The following R3HDM4 variants were observed in gnomAD, a reference collection of about 807,000 sequenced individuals.
R3HDM4 encodes the protein R3H domain-containing protein 4.
Under a neutral mutation model 31.3 loss-of-function variants are expected in R3HDM4, and 30 were observed. The observed-to-expected ratio is 0.96, with a 90% CI of 0.72 to 1.30. The LOEUF is 1.30. R3HDM4 is among the 50% of genes most tolerant of loss of function. The pLI, the probability that R3HDM4 is intolerant of heterozygous loss-of-function variation, is 0.00. For synonymous variants in R3HDM4, 196 were observed against 156.6 expected, an observed-to-expected ratio of 1.25 and a Z score of -1.88; for missense variants, 444 against 366.1, an observed-to-expected ratio of 1.21 and a Z score of -1.74.
In R3HDM4 at chr19:899,177, C is replaced by T. The variant is rs545052638; in HGVS notation, c.703+263G>A. Among the ~76,000 whole-genome samples, 1 of 152,240 alleles carries T rather than the reference C, an allele frequency of 6.6e-6. No individual in the cohort carries two copies. The highest frequency in any genetic ancestry group is 1.9e-4 in the East Asian group (1 of 5,188). ...GCTTCATCACCCCCACCCCGGGCCC[C>T]GAAGATGCAGATGGAGGAGTGTCTG... On this transcript the variant is annotated intron_variant, in intron 7 of 7. Coordinates refer to ENST00000361574, the MANE Select transcript of R3HDM4 (RefSeq NM_138774.4). The surrounding 1 kb of genome is among the most constrained non-coding windows in gnomAD (Gnocchi z 6.8).
At chr19:910,714 C>T (rs1448959418) in intron 1 of R3HDM4, among the ~76,000 whole-genome samples, 1 of 152,114 alleles carries the variant, frequency 6.6e-6, no homozygotes, top group Non-Finnish European at 1.5e-5. Context: ...AAAGACGCAT[C>T]CTTTCTCCTT....
chr19:900,250 T>G (rs922968605), intron 4 of R3HDM4, 104 bp from the exon 5 acceptor site: 1 of 827,748 alleles, frequency 1.2e-6, no homozygotes, highest in Non-Finnish European at 1.8e-6. Context: ...ATCTGTGCCT[T>G]GGCCTCTCCT....
At chr19:903,077 T>C (rs764879835) in intron 1 of R3HDM4, among the ~76,000 whole-genome samples, 39 of 152,180 alleles carry the variant, frequency 2.6e-4, no homozygotes, top group Non-Finnish European at 5.3e-4. Context: ...GTTCAAGGTG[T>C]TAGCTGTAAG....
intron 1 of R3HDM4, among the ~76,000 whole-genome samples, chr19:906,377 G>A (rs1275847049): frequency 2.0e-5 from 3 of 151,926 alleles, no homozygotes; most frequent in African/African-American, 4.8e-5. Context: ...CCGCCACCAC[G>A]CCTGGCTAAT....
At chr19:906,969 C>T (rs2036913117) in intron 1 of R3HDM4, among the ~76,000 whole-genome samples, 1 of 152,106 alleles carries the variant, frequency 6.6e-6, no homozygotes, top group East Asian at 1.9e-4. Flanking sequence ...GCGCCCACCA[C>T]CACGCCTGGT....
At chr19:905,049 A>G (rs2036884894) in intron 1 of R3HDM4, among the ~76,000 whole-genome samples, 1 of 152,148 alleles carries the variant, frequency 6.6e-6, no homozygotes, top group South Asian at 2.1e-4. Flanking sequence ...TCTACTAAAA[A>G]TACAAAAAAT....
intron 7 of R3HDM4, 72 bp from the exon 8 acceptor site, chr19:897,612 T>C: frequency 3.4e-6 from 4 of 1,180,682 alleles, no homozygotes; most frequent in South Asian, 2.8e-5. Flanking sequence ...GCCTCGGACC[T>C]GCACCACCCT....
Position 897,305 on chromosome 19 carries a change from G to A in R3HDM4, c.*132C>T. 1 of 672,390 alleles carries A rather than the reference G, an allele frequency of 1.5e-6. No individual in the cohort carries two copies. Among genetic ancestry groups the A allele is most frequent in the Non-Finnish European group, 2.5e-6 (1 of 402,238 alleles). 41.7% of individuals were successfully genotyped at this position (672,390 alleles called of 1,614,324 possible). Reference sequence around the variant, plus strand: ...AAGAGCTGCGTGAGGAGGGGGCAGAGTGAGAGAGACCACCCCAAGCGAAAA... The same window carrying A: ...AAGAGCTGCGTGAGGAGGGGGCAGAATGAGAGAGACCACCCCAAGCGAAAA... On this transcript the variant is annotated 3_prime_UTR_variant, in exon 8 of 8. Transcript: ENST00000361574.
intron 7 of R3HDM4, among the ~76,000 whole-genome samples, chr19:898,336 T>C (rs192490069): frequency 0.024 from 2,197 of 91,150 alleles, 65 homozygotes; most frequent in Admixed American, 0.11. Flanking sequence ...ACCCGGGAGG[T>C]GGAGCTTGCA....
chr19:899,679 A>G lies in R3HDM4; in HGVS notation c.569T>C (p.Leu190Pro), dbSNP rs1481526606. ...LKRSRIPMETLETWEERLLRF... is the reference protein window; with the variant it reads ...LKRSRIPMETPETWEERLLRF... ...AAGCAGCCGCTCCTCCCAGGTCTCC[A>G]GCGTTTCCTGGGGAGAGCGGCCCGG... Residue 190 changes from leucine to proline, a missense_variant, in exon 6 of 8, where the codon CTG becomes CCG. Leu to Pro is a moderately conservative substitution (Grantham distance 98, BLOSUM62 -3). Coordinates refer to ENST00000361574, the MANE Select transcript of R3HDM4 (RefSeq NM_138774.4). This position sits in a 1 kb window ranked among gnomAD's most constrained non-coding sequence, Gnocchi z 6.8. 1.3e-6 allele frequency: 2 copies of G among 1,591,866 alleles called. No individual in the cohort carries two copies. Among genetic ancestry groups the G allele is most frequent in the African/African-American group, 1.4e-5 (1 of 73,962 alleles).
chr19:897,367 A>G lies in R3HDM4; in HGVS notation c.*70T>C. 2 of 1,157,772 alleles carry G rather than the reference A, an allele frequency of 1.7e-6. No individual in the cohort carries two copies. The highest frequency in any genetic ancestry group is 2.6e-5 in the East Asian group (1 of 37,856). The allele number at this position is 1,157,772 out of a possible 1,614,324, so 71.7% of individuals were successfully genotyped here. A position where few individuals can be genotyped will look rare whatever the true frequency, so the allele number is the denominator to read the frequency against. The stretch of plus-strand genomic sequence containing the variant: ...GACAAATTCTAAAAATATGAAAGAT[A>G]TTTTAGCCGAAGGTATCGGAGGGCT... On this transcript the variant is annotated 3_prime_UTR_variant, in exon 8 of 8. Coordinates refer to ENST00000361574, the MANE Select transcript of R3HDM4 (RefSeq NM_138774.4).
chr19:913,092 C>T lies in R3HDM4; in HGVS notation c.66G>A (p.Arg22=). 2.8e-6 allele frequency: 3 copies of T among 1,068,474 alleles called. No homozygotes were observed. The highest frequency in any genetic ancestry group is 2.3e-6 in the Non-Finnish European group (2 of 885,692). The allele number at this position is 1,068,474 out of a possible 1,614,324, so 66.2% of individuals were successfully genotyped here. A position where few individuals can be genotyped will look rare whatever the true frequency, so the allele number is the denominator to read the frequency against. Residue 22 remains arginine (R), a synonymous_variant, in exon 1 of 8, where the codon CGG becomes CGA. Coordinates refer to ENST00000361574, the MANE Select transcript of R3HDM4 (RefSeq NM_138774.4). This position sits in a 1 kb window ranked among gnomAD's most constrained non-coding sequence, Gnocchi z 5.0. ...EAAEGTPGGR[R]LLPLPSCLPA... is the part of the protein sequence containing the mutation. ...CCCCGCCCGCCCGCGCTCACAGCAG[C>T]CGCCGCCCGCCCGGGGTGCCCTCCG...
chr19:903,659 G>A (rs1313435268), intron 1 of R3HDM4, among the ~76,000 whole-genome samples: 2 of 152,226 alleles, frequency 1.3e-5, no homozygotes, highest in African/African-American at 2.4e-5. Flanking sequence ...GGAGCCCAAG[G>A]TGGGTGGATC....
At chr19:903,059 A>G (rs1208437615) in intron 1 of R3HDM4, among the ~76,000 whole-genome samples, 1 of 152,072 alleles carries the variant, frequency 6.6e-6, no homozygotes, top group South Asian at 2.1e-4. Flanking sequence ...CCCACCCCCA[A>G]CCCCAGTGTT....
chr19:898,950 C>T (rs1040940857), intron 7 of R3HDM4, among the ~76,000 whole-genome samples: 11 of 152,154 alleles, frequency 7.2e-5, no homozygotes, highest in Non-Finnish European at 1.3e-4. Context: ...TGCCTGGGGC[C>T]GGCGGCGCCT....
chr19:903,659 G>T (rs1313435268), intron 1 of R3HDM4, among the ~76,000 whole-genome samples: 1 of 152,226 alleles, frequency 6.6e-6, no homozygotes, highest in African/African-American at 2.4e-5. Context: ...GGAGCCCAAG[G>T]TGGGTGGATC....
chr19:901,677 C>G (rs1024996148), intron 2 of R3HDM4, 131 bp from the exon 3 acceptor site: 1 of 1,254,080 alleles, frequency 8.0e-7, no homozygotes, highest in African/African-American at 1.5e-5. Context: ...CAACTGTCTT[C>G]CCCAGAAGGT....
chr19:909,451 G>A (rs1049681279), intron 1 of R3HDM4, among the ~76,000 whole-genome samples: 4 of 152,124 alleles, frequency 2.6e-5, no homozygotes, highest in African/African-American at 7.2e-5. Context: ...GGCTGAGAGC[G>A]GAAACATGAG....
rs2036793669 is a variant in R3HDM4 at position 899,477 on chromosome 19, C to T, written c.666G>A (p.Leu222=). The change falls in exon 7 of 8, where the codon CTG becomes CTA. Residue 222 remains leucine (L), a synonymous_variant. Transcript: ENST00000361574. The surrounding 1 kb of genome is among the most constrained non-coding windows in gnomAD (Gnocchi z 6.8). The stretch of plus-strand genomic sequence containing the variant: ...GGTCCATGTACTGGCAGACAGCGTG[C>T]AGCAGAAGCCTCTCGAAGCTGTGGG... ...MLDNSFERLL[L]HAVCQYMDLI... 3 of 1,613,656 alleles carry T rather than the reference C, an allele frequency of 1.9e-6. No individual in the cohort carries two copies. The East Asian group carries it at 6.7e-5, about 36-fold the overall frequency.
Sources: allele counts gnomAD v4.1 joint callset (sites outside exome capture counted in the v4.1 genomes callset), GRCh38; gene constraint gnomAD v4.1.1; non-coding constraint Gnocchi (gnomAD v3.1); transcripts MANE v1.5; gene names NCBI Gene and HGNC (gene_info 2026-07-23, HGNC 2026-07-21).